DIP2C: variants seen among roughly 807,000 people sequenced by gnomAD.
The protein encoded by DIP2C is DIP2 acetate--CoA ligase C (putative).
DIP2C carries 33 observed loss-of-function variants against 192.4 expected under a neutral mutation model. The ratio of observed to expected loss-of-function variants is 0.17; its 90% CI spans 0.13 to 0.23. The LOEUF (loss-of-function observed/expected upper bound fraction) is 0.23, where lower values mean the gene tolerates loss of function less well. DIP2C is among the 10% of genes least tolerant of loss of function. The pLI, the probability that DIP2C is intolerant of heterozygous loss-of-function variation, is 1.00. For missense variants in DIP2C, 1,537 were observed against 2,110.1 expected, an observed-to-expected ratio of 0.73 and a Z score of 5.32; for synonymous variants, 979 against 864.1, an observed-to-expected ratio of 1.13 and a Z score of -2.33.
intron 1 of DIP2C, among the ~76,000 whole-genome samples, chr10:688,805 G>A (rs1322385875): frequency 6.6e-6 from 1 of 152,230 alleles, no homozygotes; most frequent in Non-Finnish European, 1.5e-5. Flanking sequence ...CCTACGAGAG[G>A]ACCAGGACGG....
chr10:622,719 C>G (rs369581645), intron 1 of DIP2C, among the ~76,000 whole-genome samples: 1 of 152,184 alleles, frequency 6.6e-6, no homozygotes, highest in Non-Finnish European at 1.5e-5. Flanking sequence ...ACCACAGTAA[C>G]GTCAAACTCA....
chr10:415,987 C>A (rs1965607853), intron 6 of DIP2C, 99 bp from the exon 7 acceptor site: 4 of 1,555,352 alleles, frequency 2.6e-6, no homozygotes, highest in Middle Eastern at 1.8e-4. Context: ...AGCGCGGCTA[C>A]AACAGGCTGC....
At chr10:384,938 C>T (rs1435413926) in intron 14 of DIP2C, among the ~76,000 whole-genome samples, 2 of 151,458 alleles carry the variant, frequency 1.3e-5, no homozygotes, top group African/African-American at 4.8e-5. Flanking sequence ...CACCAGGCTG[C>T]ACGGGCCAGG....
intron 3 of DIP2C, among the ~76,000 whole-genome samples, chr10:452,359 G>T (rs75210474): frequency 6.6e-6 from 1 of 152,102 alleles, no homozygotes; most frequent in Non-Finnish European, 1.5e-5. Flanking sequence ...CCCTTAGAGC[G>T]CGCACTAACC....
At chr10:425,755 C>T (rs1287536449) in intron 4 of DIP2C, among the ~76,000 whole-genome samples, 1 of 152,226 alleles carries the variant, frequency 6.6e-6, no homozygotes, top group African/African-American at 2.4e-5. Context: ...TAATGTCATA[C>T]ACCATATAGA....
chr10:596,314 A>AG (rs1851694223), intron 1 of DIP2C, among the ~76,000 whole-genome samples: 1 of 151,964 alleles, frequency 6.6e-6, no homozygotes, highest in East Asian at 1.9e-4. Flanking sequence ...CTTTAAGACC[A>AG]GCCTGGCCAA....
In DIP2C at chr10:288,435, G is replaced by A. The variant is rs773505406; in HGVS notation, c.3987-14C>T. Reference sequence around the variant, plus strand: ...ACTAAGCGGACTCTGCAAACAGAAAGAGAAAATATTCCTAGATGTGTTTGC... The same window carrying A: ...ACTAAGCGGACTCTGCAAACAGAAAAAGAAAATATTCCTAGATGTGTTTGC... On this transcript the variant is annotated splice_polypyrimidine_tract_variant and intron_variant, in intron 32 of 36. Transcript: ENST00000280886. 1.9e-6 allele frequency: 3 copies of A among 1,613,676 alleles called. No homozygotes were observed. Among genetic ancestry groups the A allele is most frequent in the East Asian group, 2.2e-5 (1 of 44,862 alleles).
At chr10:320,885 A>C (rs1191300784) in intron 31 of DIP2C, among the ~76,000 whole-genome samples, 1 of 152,256 alleles carries the variant, frequency 6.6e-6, no homozygotes, top group Non-Finnish European at 1.5e-5. Flanking sequence ...AACAAAGTAC[A>C]CTGGCAATTC....
intron 1 of DIP2C, among the ~76,000 whole-genome samples, chr10:589,750 CTT>C (rs1217744195): frequency 1.3e-5 from 2 of 152,198 alleles, no homozygotes; most frequent in Non-Finnish European, 2.9e-5. Context: ...GATTCTTCCT[CTT>C]GTCAGGAGAG....
intron 1 of DIP2C, among the ~76,000 whole-genome samples, chr10:612,134 A>T (rs1853137755): frequency 6.6e-6 from 1 of 152,126 alleles, no homozygotes; most frequent in South Asian, 2.1e-4. Context: ...GTCTCTACTA[A>T]TACGAAAAAT....
intron 3 of DIP2C, among the ~76,000 whole-genome samples, chr10:468,798 G>A (rs1359522426): frequency 5.3e-5 from 8 of 152,094 alleles, no homozygotes; most frequent in Non-Finnish European, 7.3e-5. Context: ...AAAAAGATGA[G>A]TACCCAACTT....
chr10:587,558 C>A (rs1851143763), intron 1 of DIP2C, among the ~76,000 whole-genome samples: 1 of 152,204 alleles, frequency 6.6e-6, no homozygotes, highest in South Asian at 2.1e-4. Context: ...TGATCAATAA[C>A]AAGTCGCTTC....
In DIP2C at chr10:638,871, C is replaced by G. The variant is rs547361440; in HGVS notation, c.85+50623G>C. On this transcript the variant is annotated intron_variant, in intron 1 of 36. Coordinates refer to ENST00000280886, the MANE Select transcript of DIP2C (RefSeq NM_014974.3). ...GGCATCATCCTTTCCAGGACAGGCT[C>G]TAATTCCGCCTCCGGGCCCTTTTGC... Among the ~76,000 whole-genome samples the G allele has an allele frequency of 1.4e-4, 21 of 152,368 alleles. 1 individual carries two copies. The highest frequency in any genetic ancestry group is 4.8e-4 in the African/African-American group (20 of 41,580).
At chr10:460,849 C>A (rs188874477) in intron 3 of DIP2C, among the ~76,000 whole-genome samples, 2 of 152,138 alleles carry the variant, frequency 1.3e-5, no homozygotes, top group East Asian at 3.8e-4. Flanking sequence ...AGACTAACAG[C>A]GGATCTCTCT....
intron 22 of DIP2C, among the ~76,000 whole-genome samples, chr10:360,090 T>C (rs996094092): frequency 1.3e-5 from 2 of 152,178 alleles, no homozygotes; most frequent in Non-Finnish European, 2.9e-5. Context: ...GATCAGGCTT[T>C]TTGTGGAGCC....
chr10:555,366 C>T (rs887384413), intron 1 of DIP2C, among the ~76,000 whole-genome samples: 4 of 152,094 alleles, frequency 2.6e-5, no homozygotes, highest in African/African-American at 7.2e-5. Context: ...CATCGTGCGT[C>T]GGAAAACCTA....
chr10:586,852 G>A (rs1473926476), intron 1 of DIP2C, among the ~76,000 whole-genome samples: 2 of 126,358 alleles, frequency 1.6e-5, no homozygotes, highest in Non-Finnish European at 3.0e-5. Context: ...CACATTTTGT[G>A]GGGAAAACCC....
At chr10:533,896 T>C (rs545856939) in intron 1 of DIP2C, among the ~76,000 whole-genome samples, 10 of 152,166 alleles carry the variant, frequency 6.6e-5, no homozygotes, top group African/African-American at 2.2e-4. Context: ...GAGACACTTC[T>C]GGTTTACAGG....
intron 3 of DIP2C, among the ~76,000 whole-genome samples, chr10:441,885 G>C (rs1282970599): frequency 6.6e-6 from 1 of 150,478 alleles, no homozygotes; most frequent in Non-Finnish European, 1.5e-5. Context: ...GTGGTGATAA[G>C]GCAGACAGTG....
Sources: allele counts gnomAD v4.1 joint callset (sites outside exome capture counted in the v4.1 genomes callset), GRCh38; gene constraint gnomAD v4.1.1; transcripts MANE v1.5; gene names NCBI Gene and HGNC (gene_info 2026-07-23, HGNC 2026-07-21).